FAT3: variants seen among roughly 807,000 people sequenced by gnomAD.
FAT3 encodes FAT atypical cadherin 3.
FAT3 carries 95 observed loss-of-function variants against 310.2 expected under a neutral mutation model. The observed-to-expected ratio is 0.31, with a 90% CI of 0.26 to 0.36. The LOEUF is 0.36. Among genes scored for constraint, FAT3 ranks in the 10% least tolerant of loss-of-function variants. The pLI, the probability that FAT3 is intolerant of heterozygous loss-of-function variation, is 1.00. For missense variants in FAT3, 5,408 were observed against 5,715.6 expected (o/e 0.95, Z 1.74); for synonymous variants, 2,314 against 2,192.9 (o/e 1.06, Z -1.54).
chr11:92,352,758 A>T lies in FAT3; in HGVS notation c.646A>T (p.Ser216Cys). Residue 216 changes from serine to cysteine, a missense_variant, in exon 2 of 28, where the codon AGT (serine) becomes TGT (cysteine). By Grantham distance (112) the Ser-to-Cys change is moderately radical. Coordinates refer to ENST00000525166, the MANE Select transcript of FAT3 (RefSeq NM_001367949.2). ...CCCCACGAGTGGTGTCATCTCCTTA[A>T]GTGGTCGATTAAATTATGATGAAAA... is the stretch of plus-strand genomic sequence containing the variant. Reference protein sequence around the residue: ...VHPTSGVISLSGRLNYDEKNR... With the variant: ...VHPTSGVISLCGRLNYDEKNR... 1 of 1,613,850 alleles carries T rather than the reference A, an allele frequency of 6.2e-7. No individual in the cohort carries two copies. The highest frequency in any genetic ancestry group is 8.5e-7 in the Non-Finnish European group (1 of 1,179,872).
intron 2 of FAT3, among the ~76,000 whole-genome samples, chr11:92,521,926 A>G (rs1953699004): frequency 6.6e-6 from 1 of 151,986 alleles, no homozygotes; most frequent in Non-Finnish European, 1.5e-5. Context: ...GCTGTTGGGT[A>G]TGCATTTATC....
At chr11:92,289,687 G>A (rs1214345456) in intron 1 of FAT3, among the ~76,000 whole-genome samples, 1 of 152,074 alleles carries the variant, frequency 6.6e-6, no homozygotes, top group Non-Finnish European at 1.5e-5. Flanking sequence ...GGGTAAAAAT[G>A]TTATAGATCA....
rs1565353395 is a variant in FAT3 at position 92,486,129 on chromosome 11, G to GTTTTTTTTTTT, written c.3293-38505_3293-38504insTTTTTTTTTTT. ...TGTGAAATAGAGGAGAGGCTGCTGG[G>GTTTTTTTTTTT]GTTTTTTTTTTTTTTTTTTTTTTTT... On this transcript the variant is annotated intron_variant, in intron 2 of 27. Transcript: ENST00000525166. Among the ~76,000 whole-genome samples, 162 of 27,636 alleles carry GTTTTTTTTTTT rather than the reference G, an allele frequency of 5.9e-3. 10 individuals carry two copies. Among genetic ancestry groups the GTTTTTTTTTTT allele is most frequent in the Middle Eastern group, 0.045 (1 of 22 alleles). The allele number at this position is 27,636 out of a possible 152,430, so 18.1% of individuals were successfully genotyped here.
At chr11:92,807,248 T>A (rs1947528664) in intron 12 of FAT3, among the ~76,000 whole-genome samples, 1 of 152,130 alleles carries the variant, frequency 6.6e-6, no homozygotes, top group Admixed American at 6.5e-5. Context: ...AGTTTGAAAG[T>A]TCTTGGTTCT....
chr11:92,491,103 G>T (rs1235063688), intron 2 of FAT3, among the ~76,000 whole-genome samples: 2 of 152,016 alleles, frequency 1.3e-5, no homozygotes, highest in African/African-American at 4.8e-5. Flanking sequence ...TATGTTAGCA[G>T]AGAAAAATGG....
intron 2 of FAT3, among the ~76,000 whole-genome samples, chr11:92,404,672 C>T (rs1950098032): frequency 6.6e-6 from 1 of 151,756 alleles, no homozygotes; most frequent in Non-Finnish European, 1.5e-5. Context: ...CCAAAGGATG[C>T]CCAGATAGCT....
At chr11:92,332,365 C>A (rs537990064) in intron 1 of FAT3, among the ~76,000 whole-genome samples, 2 of 152,152 alleles carry the variant, frequency 1.3e-5, no homozygotes, top group Non-Finnish European at 2.9e-5. Flanking sequence ...GGGTAAGAGC[C>A]TAGGCATTGG....
intron 2 of FAT3, among the ~76,000 whole-genome samples, chr11:92,478,875 C>T (rs970800623): frequency 6.6e-6 from 1 of 152,034 alleles, no homozygotes; most frequent in African/African-American, 2.4e-5. Flanking sequence ...CTTGGCCTCC[C>T]AAAGTGCAGG....
At chr11:92,866,477 T>C (rs1256358136) in intron 21 of FAT3, among the ~76,000 whole-genome samples, 1 of 152,148 alleles carries the variant, frequency 6.6e-6, no homozygotes, top group Non-Finnish European at 1.5e-5. Flanking sequence ...GTAGAAACAT[T>C]CTTAAATATA....
At chr11:92,672,981 G>T (rs1471343769) in intron 3 of FAT3, among the ~76,000 whole-genome samples, 2 of 152,180 alleles carry the variant, frequency 1.3e-5, no homozygotes, top group African/African-American at 4.8e-5. Context: ...TAGTGATATT[G>T]CAGAAAGGAT....
chr11:92,562,412 AG>A (rs1244664321), intron 3 of FAT3, among the ~76,000 whole-genome samples: 1 of 152,130 alleles, frequency 6.6e-6, no homozygotes, highest in African/African-American at 2.4e-5. Context: ...ATGTTCTCCC[AG>A]TTACTCTGAT....
Position 92,883,421 on chromosome 11 carries a change from C to T in FAT3, c.12937+28C>T. On this transcript the variant is annotated intron_variant, in intron 24 of 27. Transcript: ENST00000525166. The surrounding 1 kb of genome is among the most constrained non-coding windows in gnomAD (Gnocchi z 4.2). ...GAGTAGGAAGTGGTAATGCTCACCC[C>T]TCGGTGCTTACAGGGAACCTGCAGG... 1 of 1,571,680 alleles carries T rather than the reference C, an allele frequency of 6.4e-7. No individual in the cohort carries two copies. The highest frequency in any genetic ancestry group is 8.6e-7 in the Non-Finnish European group (1 of 1,157,018).
intron 1 of FAT3, among the ~76,000 whole-genome samples, chr11:92,247,218 G>C (rs1864951067): frequency 6.6e-6 from 1 of 152,052 alleles, no homozygotes; most frequent in African/African-American, 2.4e-5. Context: ...TAGGTTAGCA[G>C]GGTGGACCTT....
At chr11:92,276,247 G>A (rs941654262) in intron 1 of FAT3, among the ~76,000 whole-genome samples, 1 of 152,072 alleles carries the variant, frequency 6.6e-6, no homozygotes, top group African/African-American at 2.4e-5. Flanking sequence ...TATCAAATGA[G>A]TCACAAAATT....
intron 1 of FAT3, among the ~76,000 whole-genome samples, chr11:92,255,346 A>ATT (rs1865276805): frequency 2.0e-5 from 3 of 151,320 alleles, no homozygotes; most frequent in Non-Finnish European, 2.9e-5. Context: ...TTTTTTAAAA[A>ATT]AAAAAAAAAG....
chr11:92,769,990 C>T (rs1219799399), intron 6 of FAT3, among the ~76,000 whole-genome samples: 1 of 152,212 alleles, frequency 6.6e-6, no homozygotes, highest in Non-Finnish European at 1.5e-5. Context: ...ACCTCTGGGT[C>T]TTCCCTAATC....
intron 26 of FAT3, 46 bp downstream of exon 26, chr11:92,889,294 C>CT: frequency 1.5e-6 from 1 of 673,966 alleles, no homozygotes; most frequent in Non-Finnish European, 2.8e-6. Context: ...ATTTTGCTTC[C>CT]TTGTTACTTT....
intron 3 of FAT3, among the ~76,000 whole-genome samples, chr11:92,541,738 G>C (rs1021758956): frequency 3.9e-5 from 6 of 152,106 alleles, no homozygotes; most frequent in Non-Finnish European, 7.4e-5. Context: ...CTGTGAAACT[G>C]TCATTTTATT....
At chr11:92,332,554 A>AT (rs567671436) in intron 1 of FAT3, among the ~76,000 whole-genome samples, 97 of 152,254 alleles carry the variant, frequency 6.4e-4, no homozygotes, top group African/African-American at 2.1e-3. Context: ...GTCTCTAGTG[A>AT]TAAGCAGAAG....
Sources: allele counts gnomAD v4.1 joint callset (sites outside exome capture counted in the v4.1 genomes callset), GRCh38; gene constraint gnomAD v4.1.1; non-coding constraint Gnocchi (gnomAD v3.1); transcripts MANE v1.5; gene names NCBI Gene and HGNC (gene_info 2026-07-23, HGNC 2026-07-21).